ITPK1: variants seen among roughly 807,000 people sequenced by gnomAD.
The protein encoded by ITPK1 is inositol-tetrakisphosphate 1-kinase.
A neutral mutation model predicts 45.3 loss-of-function variants in ITPK1; 21 were observed. That is an observed-to-expected ratio of 0.46 (90% CI 0.33 to 0.67). The LOEUF (loss-of-function observed/expected upper bound fraction) is 0.67, where lower values mean the gene tolerates loss of function less well. Ranked by LOEUF, ITPK1 falls within the 30% of genes least tolerant of loss-of-function variation. The pLI is 0.02. For missense variants in ITPK1, 474 were observed against 573.5 expected, an observed-to-expected ratio of 0.83 and a Z score of 1.77; for synonymous variants, 258 against 253.6, an observed-to-expected ratio of 1.02 and a Z score of -0.16.
At chr14:93,078,684 T>C (rs1393884741) in intron 2 of ITPK1, among the ~76,000 whole-genome samples, 1 of 152,050 alleles carries the variant, frequency 6.6e-6, no homozygotes, top group African/African-American at 2.4e-5. Flanking sequence ...GATAGCATCA[T>C]GAGGAACCTG....
In ITPK1 at chr14:92,941,736, G is replaced by A. The variant is rs1263448078; in HGVS notation, c.1070C>T (p.Ala357Val). The stretch of plus-strand genomic sequence containing the variant: ...CATGCTGCCGCAGCAGCCGGGGCTG[G>A]CGCTGCATGTCCGCTCGCCCACCAG... ...GGLVGERTCS[A>V]SPGCCGSMMG... is the part of the protein sequence containing the mutation. The change falls in exon 11 of 11, where the codon GCC becomes GTC. Residue 357 changes from alanine to valine, a missense_variant. By Grantham distance (64) the Ala-to-Val change is moderately conservative. This residue lies in a region of ITPK1 where 107 missense variants were observed against 92.9 expected (regional missense o/e 1.15). Coordinates refer to ENST00000267615, the MANE Select transcript of ITPK1 (RefSeq NM_014216.6). The A allele has an allele frequency of 6.3e-7, 1 of 1,594,260 alleles. No individual in the cohort carries two copies. The highest frequency in any genetic ancestry group is 8.5e-7 in the Non-Finnish European group (1 of 1,172,378).
At chr14:92,964,362 G>C (rs892719990) in intron 5 of ITPK1, among the ~76,000 whole-genome samples, 4 of 151,834 alleles carry the variant, frequency 2.6e-5, no homozygotes, top group Non-Finnish European at 5.9e-5. Flanking sequence ...AAGGAGCCAG[G>C]CTCACCTGGC....
intron 4 of ITPK1, among the ~76,000 whole-genome samples, chr14:92,994,872 C>T (rs1886972028): frequency 6.6e-6 from 1 of 152,212 alleles, no homozygotes; most frequent in Non-Finnish European, 1.5e-5. Flanking sequence ...TATAAGGAAA[C>T]AGGGTCTTTG....
At chr14:93,087,186 T>G (rs1215296120) in intron 2 of ITPK1, among the ~76,000 whole-genome samples, 1 of 152,244 alleles carries the variant, frequency 6.6e-6, no homozygotes, top group Non-Finnish European at 1.5e-5. Flanking sequence ...AATCGATTCC[T>G]CCGCTTTCTC....
At chr14:93,015,993 A>T (rs1250834687) in intron 4 of ITPK1, among the ~76,000 whole-genome samples, 1 of 152,208 alleles carries the variant, frequency 6.6e-6, no homozygotes, top group East Asian at 1.9e-4. Context: ...TTTCACTGAC[A>T]ATACAACTTT....
At position 92,950,524 on chromosome 14, in the gene ITPK1, G is replaced by A. The variant is rs150759458; in HGVS notation, c.738+1422C>T. On this transcript the variant is annotated intron_variant, in intron 9 of 10. Transcript: ENST00000267615. Reference sequence around the variant, plus strand: ...AAGGAGGAGGTGACTGCAGACCTCAGAGGTGAAGGGAAGGGCCCTGCAGTG... The same window carrying A: ...AAGGAGGAGGTGACTGCAGACCTCAAAGGTGAAGGGAAGGGCCCTGCAGTG... Among the ~76,000 whole-genome samples the A allele has an allele frequency of 7.4e-3, 1,135 of 152,374 alleles. 4 individuals carry two copies. Among genetic ancestry groups the A allele is most frequent in the Non-Finnish European group, 0.012 (841 of 68,024 alleles).
rs564201762 is a variant in ITPK1 at position 92,943,634 on chromosome 14, C to T, written c.902-1730G>A. ...CCTCCTCCAGCATCCCCAGACAACG[C>T]CCAGTGGCCCAGGGCAGGGAGGCCG... On this transcript the variant is annotated intron_variant, in intron 10 of 10. Coordinates refer to ENST00000267615, the MANE Select transcript of ITPK1 (RefSeq NM_014216.6). Among the ~76,000 whole-genome samples, 13 of 152,350 alleles carry T rather than the reference C, an allele frequency of 8.5e-5. 1 individual carries two copies. The highest frequency in any genetic ancestry group is 3.1e-4 in the African/African-American group (13 of 41,582).
chr14:93,083,356 G>A (rs1375412455), intron 2 of ITPK1, among the ~76,000 whole-genome samples: 2 of 152,246 alleles, frequency 1.3e-5, no homozygotes, highest in Non-Finnish European at 2.9e-5. Flanking sequence ...TTTCATATCC[G>A]TTAAAAGGAT....
At chr14:93,038,092 G>A (rs1322662995) in intron 3 of ITPK1, among the ~76,000 whole-genome samples, 1 of 147,754 alleles carries the variant, frequency 6.8e-6, no homozygotes, top group African/African-American at 2.5e-5. Context: ...TTGCTCTGTT[G>A]CCCAGGCTAG....
intron 2 of ITPK1, among the ~76,000 whole-genome samples, chr14:93,098,362 C>A (rs1474686690): frequency 1.3e-5 from 2 of 151,804 alleles, no homozygotes; most frequent in East Asian, 3.9e-4. Context: ...AAGGTTGAGG[C>A]AGGAGAATGG....
At chr14:93,033,662 T>C (rs542333660) in intron 3 of ITPK1, among the ~76,000 whole-genome samples, 2 of 151,956 alleles carry the variant, frequency 1.3e-5, no homozygotes, top group Non-Finnish European at 2.9e-5. Flanking sequence ...AGGTAAGAGG[T>C]ACGTGTCTAA....
At chr14:93,111,485 C>A (rs563076876) in intron 2 of ITPK1, among the ~76,000 whole-genome samples, 1 of 151,970 alleles carries the variant, frequency 6.6e-6, no homozygotes, top group Non-Finnish European at 1.5e-5. Flanking sequence ...GCAAGGCAGG[C>A]GGATCACCTG....
intron 9 of ITPK1, among the ~76,000 whole-genome samples, chr14:92,949,869 G>A (rs1177938368): frequency 1.3e-5 from 2 of 152,194 alleles, no homozygotes; most frequent in Non-Finnish European, 2.9e-5. Flanking sequence ...ATCTGATGAC[G>A]TTCTGGAAAG....
intron 2 of ITPK1, among the ~76,000 whole-genome samples, chr14:93,114,256 C>T (rs746976028): frequency 6.6e-6 from 1 of 152,226 alleles, no homozygotes; most frequent in African/African-American, 2.4e-5. Context: ...CTCAGTAGTT[C>T]TGTAATTTAT....
intron 3 of ITPK1, among the ~76,000 whole-genome samples, chr14:93,030,437 T>C (rs1454959900): frequency 6.6e-6 from 1 of 152,214 alleles, no homozygotes; most frequent in African/African-American, 2.4e-5. Flanking sequence ...TTTCTTTCAT[T>C]CATTCATTCA....
At chr14:93,021,769 T>C (rs1411366789) in intron 3 of ITPK1, among the ~76,000 whole-genome samples, 1 of 151,812 alleles carries the variant, frequency 6.6e-6, no homozygotes, top group African/African-American at 2.4e-5. Flanking sequence ...GGTCAAGAGC[T>C]AAAGGTCATT....
At chr14:93,085,153 C>G (rs2139997068) in intron 2 of ITPK1, among the ~76,000 whole-genome samples, 1 of 152,376 alleles carries the variant, frequency 6.6e-6, no homozygotes, top group East Asian at 1.9e-4. Context: ...GATTTTCCTC[C>G]TATTAACAGT....
chr14:93,057,289 G>A (rs1043558332), intron 3 of ITPK1, among the ~76,000 whole-genome samples: 3 of 152,178 alleles, frequency 2.0e-5, no homozygotes, highest in African/African-American at 7.2e-5. Flanking sequence ...GCACCCAGGC[G>A]AGGTCCAACG....
At chr14:93,078,465 C>G (rs978023974) in intron 2 of ITPK1, among the ~76,000 whole-genome samples, 1 of 152,152 alleles carries the variant, frequency 6.6e-6, no homozygotes, top group Non-Finnish European at 1.5e-5. Context: ...CTCAAACCCC[C>G]GACACCTCAA....
Sources: gnomAD v4.1 joint callset for allele counts (sites outside exome capture counted in the v4.1 genomes callset) on GRCh38, gnomAD v4.1.1 for gene constraint, gnomAD v4.1.1 regional missense constraint, MANE v1.5 for transcripts, NCBI Gene and HGNC (gene_info 2026-07-23, HGNC 2026-07-21) for gene names.